The following PTPRK variants were observed in gnomAD, a reference collection of about 807,000 sequenced individuals.
The protein encoded by PTPRK is receptor-type tyrosine-protein phosphatase kappa.
PTPRK carries 75 observed loss-of-function variants against 178.0 expected under a neutral mutation model. The ratio of observed to expected loss-of-function variants is 0.42; its 90% CI spans 0.35 to 0.51. PTPRK has a LOEUF of 0.51. PTPRK is among the 20% of genes least tolerant of loss of function. PTPRK has a pLI of 0.02. For synonymous variants in PTPRK, 637 were observed against 620.6 expected (o/e 1.03, Z -0.39); for missense variants, 1,441 against 1,797.8 (o/e 0.80, Z 3.59).
intron 2 of PTPRK, among the ~76,000 whole-genome samples, chr6:128,384,842 T>C (rs1838469452): frequency 1.3e-5 from 2 of 151,978 alleles, no homozygotes; most frequent in South Asian, 2.1e-4. Context: ...AAATAACAAA[T>C]TGATCTTAGT....
intron 7 of PTPRK, among the ~76,000 whole-genome samples, chr6:128,136,068 T>G (rs1794976013): frequency 6.6e-6 from 1 of 152,094 alleles, no homozygotes; most frequent in Non-Finnish European, 1.5e-5. Flanking sequence ...GTATCTCTGG[T>G]GTCCCATAAG....
chr6:128,244,260 T>A (rs902487007), intron 3 of PTPRK, among the ~76,000 whole-genome samples: 2 of 152,070 alleles, frequency 1.3e-5, no homozygotes, highest in African/African-American at 4.8e-5. Context: ...GAAGAGAAGA[T>A]TATCAGGGTA....
At chr6:128,467,107 C>T (rs977227639) in intron 1 of PTPRK, among the ~76,000 whole-genome samples, 16 of 152,058 alleles carry the variant, frequency 1.1e-4, no homozygotes, top group East Asian at 1.9e-4. Flanking sequence ...CAGGGTGATC[C>T]GCCCACCTCA....
At chr6:128,297,457 T>G (rs373467543) in intron 3 of PTPRK, among the ~76,000 whole-genome samples, 12 of 152,234 alleles carry the variant, frequency 7.9e-5, no homozygotes, top group Middle Eastern at 3.4e-3. Flanking sequence ...TATTCCAAAA[T>G]TGACCACATA....
chr6:128,184,379 G>A, intron 7 of PTPRK, 53 bp downstream of exon 7: 1 of 1,542,432 alleles, frequency 6.5e-7, no homozygotes, highest in Non-Finnish European at 8.9e-7. Context: ...GTATTAATGT[G>A]TCTTATGCTA....
chr6:128,013,044 T>C (rs1005199728), intron 13 of PTPRK, among the ~76,000 whole-genome samples: 7 of 151,534 alleles, frequency 4.6e-5, no homozygotes, highest in African/African-American at 1.7e-4. Context: ...ATGTTTCTAA[T>C]GACTTGCAAG....
chr6:128,290,840 C>T (rs1178429228), intron 3 of PTPRK, among the ~76,000 whole-genome samples: 3 of 152,090 alleles, frequency 2.0e-5, no homozygotes, highest in Non-Finnish European at 4.4e-5. Flanking sequence ...CAGGAAACAA[C>T]ATCAGATAAC....
At chr6:128,328,056 CA>C (rs1829798852) in intron 2 of PTPRK, among the ~76,000 whole-genome samples, 1 of 152,188 alleles carries the variant, frequency 6.6e-6, no homozygotes. Flanking sequence ...GCTACAAGCT[CA>C]CTGAGGGACT....
chr6:128,384,234 C>T (rs895255247), intron 2 of PTPRK, among the ~76,000 whole-genome samples: 10 of 152,120 alleles, frequency 6.6e-5, no homozygotes, highest in African/African-American at 9.7e-5. Context: ...ATGTTCCACA[C>T]GCACGATAGT....
At chr6:128,313,243 C>T (rs1421645219) in intron 3 of PTPRK, among the ~76,000 whole-genome samples, 1 of 152,114 alleles carries the variant, frequency 6.6e-6, no homozygotes, top group Non-Finnish European at 1.5e-5. Context: ...TTCCCAGTGA[C>T]CCCATAGTGC....
chr6:128,139,183 T>C (rs1795428469), intron 7 of PTPRK, among the ~76,000 whole-genome samples: 1 of 152,032 alleles, frequency 6.6e-6, no homozygotes, highest in East Asian at 1.9e-4. Flanking sequence ...AACAACATTA[T>C]GGAGAACGAA....
intron 1 of PTPRK, among the ~76,000 whole-genome samples, chr6:128,408,549 A>G (rs1841962263): frequency 6.6e-6 from 1 of 152,222 alleles, no homozygotes; most frequent in Non-Finnish European, 1.5e-5. Flanking sequence ...TATTGATCAT[A>G]GAGGAGATAA....
Position 128,390,271 on chromosome 6 carries a change from G to C in PTPRK, c.223+7295C>G, listed in dbSNP as rs542867163. Among the ~76,000 whole-genome samples the C allele has an allele frequency of 1.5e-3, 225 of 152,056 alleles. 2 individuals are homozygous for C. Among genetic ancestry groups the C allele is most frequent in the Non-Finnish European group, 2.6e-3 (176 of 67,982 alleles). On this transcript the variant is annotated intron_variant, in intron 2 of 29. Coordinates refer to ENST00000368226, the MANE Select transcript of PTPRK (RefSeq NM_002844.4). ...AGCAGATAACATATGTGTTTCTAAA[G>C]GTTTGCTTAAACAGACACGCAGCAA...
intron 1 of PTPRK, among the ~76,000 whole-genome samples, chr6:128,419,384 G>A (rs1048703075): frequency 2.6e-5 from 4 of 152,180 alleles, no homozygotes; most frequent in Admixed American, 1.3e-4. Flanking sequence ...ACACCAAGGC[G>A]GGCGGATCAC....
intron 13 of PTPRK, among the ~76,000 whole-genome samples, chr6:128,034,576 C>T (rs1775897367): frequency 6.6e-6 from 1 of 152,114 alleles, no homozygotes; most frequent in Non-Finnish European, 1.5e-5. Context: ...AAAAGCAACA[C>T]TCCAAGGTTG....
intron 1 of PTPRK, among the ~76,000 whole-genome samples, chr6:128,436,001 T>A (rs63460261): frequency 0.11 from 13,240 of 117,520 alleles, 651 homozygotes; most frequent in Non-Finnish European, 0.13. Flanking sequence ...AAAAAAAAAA[T>A]ATATATATAT....
At chr6:128,396,969 G>C (rs1436814778) in intron 2 of PTPRK, among the ~76,000 whole-genome samples, 1 of 152,158 alleles carries the variant, frequency 6.6e-6, no homozygotes, top group Non-Finnish European at 1.5e-5. Flanking sequence ...CTGCATTCCA[G>C]CCTGGGTGAC....
At chr6:128,395,070 A>G (rs975242090) in intron 2 of PTPRK, among the ~76,000 whole-genome samples, 5 of 152,212 alleles carry the variant, frequency 3.3e-5, no homozygotes, top group Non-Finnish European at 7.4e-5. Flanking sequence ...ATGTGACAAT[A>G]AAAAGATCAT....
At chr6:128,513,493 A>AGAAAGAAAGAAAG (rs1554287240) in intron 1 of PTPRK, among the ~76,000 whole-genome samples, 1 of 150,244 alleles carries the variant, frequency 6.7e-6, no homozygotes, top group African/African-American at 2.5e-5. Flanking sequence ...CAAAAAAAAA[A>AGAAAGAAAGAAAG]AAAGAAAGAA....
Sources: gnomAD v4.1 joint callset for allele counts (sites outside exome capture counted in the v4.1 genomes callset) on GRCh38, gnomAD v4.1.1 for gene constraint, MANE v1.5 for transcripts, NCBI Gene and HGNC (gene_info 2026-07-23, HGNC 2026-07-21) for gene names.